The following SIK3 variants were observed in gnomAD, a reference collection of about 807,000 sequenced individuals.
SIK3 encodes serine/threonine-protein kinase SIK3.
In SIK3, 28 loss-of-function variants were observed where a neutral mutation model predicts 144.2. That is an observed-to-expected ratio of 0.19 (90% CI 0.14 to 0.27). SIK3 has a LOEUF of 0.27. Among genes scored for constraint, SIK3 ranks in the 10% least tolerant of loss-of-function variants. The pLI is 1.00. For missense variants in SIK3, 1,319 were observed against 1,776.0 expected (o/e 0.74, Z 4.62); for synonymous variants, 686 against 676.3 (o/e 1.01, Z -0.22).
At chr11:116,898,836 A>G (rs1945575719) in intron 4 of SIK3, among the ~76,000 whole-genome samples, 1 of 150,908 alleles carries the variant, frequency 6.6e-6, no homozygotes, top group African/African-American at 2.4e-5. Context: ...TTTTCTTGTA[A>G]ATTTGTTTGA....
chr11:117,032,325 T>C (rs1952296744), intron 1 of SIK3, among the ~76,000 whole-genome samples: 1 of 152,232 alleles, frequency 6.6e-6, no homozygotes, highest in African/African-American at 2.4e-5. Context: ...TTTTGGTCTT[T>C]GATTTCTTTC....
In SIK3 at chr11:117,013,907, G is replaced by GTGTGTGTGTGTGTGTGTGTGTGTGTATAT. The variant is rs1485971413; in HGVS notation, c.274-56844_274-56843insATATACACACACACACACACACACACACA. On this transcript the variant is annotated intron_variant, in intron 1 of 24. Coordinates refer to ENST00000445177, the MANE Select transcript of SIK3 (RefSeq NM_001366686.3). ...TAAGTCTCCAGATTCTGAGGGGGGG[G>GTGTGTGTGTGTGTGTGTGTGTGTGTATAT]GGGGGAGGGTGTGTGTGTGTGTGTG... Among the ~76,000 whole-genome samples the GTGTGTGTGTGTGTGTGTGTGTGTGTATAT allele has an allele frequency of 1.3e-3, 59 of 44,892 alleles. 1 individual carries two copies. The highest frequency in any genetic ancestry group is 4.0e-3 in the African/African-American group (58 of 14,492). 29.5% of individuals were successfully genotyped at this position (44,892 alleles called of 152,430 possible). A position where few individuals can be genotyped will look rare whatever the true frequency, so the allele number is the denominator to read the frequency against.
Position 116,996,428 on chromosome 11 carries a change from T to C in SIK3, c.274-39364A>G, listed in dbSNP as rs367578734. On this transcript the variant is annotated intron_variant, in intron 1 of 24. Coordinates refer to ENST00000445177, the MANE Select transcript of SIK3 (RefSeq NM_001366686.3). ...AAATAAAAAAATATTATCTTAAATA[T>C]AGCTGCACTTTTGTGGCCAGAAAAA... 1.1e-4 allele frequency among the ~76,000 whole-genome samples: 17 copies of C among 152,314 alleles called. No individual in the cohort carries two copies. The South Asian group carries it at 3.3e-3, about 30-fold the overall frequency.
intron 6 of SIK3, among the ~76,000 whole-genome samples, chr11:116,881,616 A>G (rs1449132074): frequency 1.3e-5 from 2 of 152,136 alleles, no homozygotes; most frequent in African/African-American, 2.4e-5. Context: ...TTCTTGGGAG[A>G]TAAGTCTTCT....
At chr11:116,993,647 T>C (rs542054075) in intron 1 of SIK3, among the ~76,000 whole-genome samples, 102 of 152,084 alleles carry the variant, frequency 6.7e-4, no homozygotes, top group African/African-American at 2.2e-3. Context: ...ACTTGAGTAA[T>C]GGGAGGGGTA....
Position 116,846,329 on chromosome 11 carries a change from G to C in SIK3, c.*13+54C>G. 6.4e-7 allele frequency: 1 copy of C among 1,569,410 alleles called. No individual in the cohort carries two copies. Among genetic ancestry groups the C allele is most frequent in the South Asian group, 1.2e-5 (1 of 84,922 alleles). On this transcript the variant is annotated intron_variant, in intron 24 of 24. Coordinates refer to ENST00000445177, the MANE Select transcript of SIK3 (RefSeq NM_001366686.3). The surrounding 1 kb of genome is among the most constrained non-coding windows in gnomAD (Gnocchi z 4.1). ...TGGGCTGAAGCTCCTGATGGGATTG[G>C]GAGCAGGCACTGGGCCACAGGGCTG...
At chr11:117,011,681 C>G (rs1306340281) in intron 1 of SIK3, among the ~76,000 whole-genome samples, 1 of 152,154 alleles carries the variant, frequency 6.6e-6, no homozygotes, top group African/African-American at 2.4e-5. Flanking sequence ...ACAACTACCA[C>G]AAAATAAGGT....
intron 1 of SIK3, among the ~76,000 whole-genome samples, chr11:117,063,588 T>C (rs992283537): frequency 1.4e-5 from 2 of 143,790 alleles, no homozygotes; most frequent in Non-Finnish European, 3.1e-5. Context: ...TGAAGTTTCT[T>C]TTTTTTTTTT....
At chr11:116,939,823 GA>G (rs1358556307) in intron 3 of SIK3, among the ~76,000 whole-genome samples, 2 of 152,024 alleles carry the variant, frequency 1.3e-5, no homozygotes, top group African/African-American at 4.8e-5. Context: ...AGATAGCATA[GA>G]AAAAAAGTAA....
chr11:116,960,520 CCAAAACAAAAAAACAAAA>C (rs1436551290), intron 1 of SIK3, among the ~76,000 whole-genome samples: 1 of 151,848 alleles, frequency 6.6e-6, no homozygotes, highest in Non-Finnish European at 1.5e-5. Context: ...GACACTTTCT[CCAAAACAAAAAAACAAAA>C]CAAAACAAAA....
intron 1 of SIK3, among the ~76,000 whole-genome samples, chr11:117,032,129 T>A (rs981626579): frequency 7.9e-5 from 12 of 152,314 alleles, no homozygotes; most frequent in East Asian, 5.8e-4. Context: ...CCAATTTTTT[T>A]ATTCAGTTTA....
intron 1 of SIK3, among the ~76,000 whole-genome samples, chr11:116,967,679 A>C (rs1949608571): frequency 6.6e-6 from 1 of 152,218 alleles, no homozygotes; most frequent in Non-Finnish European, 1.5e-5. Context: ...TATTTCTGAA[A>C]GTCTCACTTG....
chr11:117,056,540 GATAT>G (rs1166583379), intron 1 of SIK3, among the ~76,000 whole-genome samples: 30 of 15,990 alleles, frequency 1.9e-3, no homozygotes, highest in African/African-American at 0.012. Context: ...TATATAGATA[GATAT>G]AGATATAGAT....
chr11:116,988,983 G>A (rs192670824), intron 1 of SIK3, among the ~76,000 whole-genome samples: 13 of 151,920 alleles, frequency 8.6e-5, no homozygotes, highest in East Asian at 3.9e-4. Flanking sequence ...CTCCCTTTCT[G>A]TCCCTACATA....
At chr11:116,875,097 T>TG in intron 11 of SIK3, 61 bp downstream of exon 11, 2 of 1,360,846 alleles carry the variant, frequency 1.5e-6, no homozygotes, top group Non-Finnish European at 2.1e-6. Flanking sequence ...TGGTAGACAC[T>TG]GAAAGTCAGG....
chr11:117,093,332 C>T (rs980577364), intron 1 of SIK3, among the ~76,000 whole-genome samples: 33 of 152,192 alleles, frequency 2.2e-4, no homozygotes, highest in African/African-American at 8.0e-4. Flanking sequence ...TTGCACTAAA[C>T]CACACCGATG....
chr11:117,020,336 C>T (rs74480340), intron 1 of SIK3, among the ~76,000 whole-genome samples: 6,562 of 148,460 alleles, frequency 0.044, 491 homozygotes, highest in African/African-American at 0.16. Flanking sequence ...ATACTGTATT[C>T]GGCCTCTTGC....
chr11:117,052,974 C>A (rs1953329257), intron 1 of SIK3, among the ~76,000 whole-genome samples: 1 of 152,166 alleles, frequency 6.6e-6, no homozygotes, highest in Non-Finnish European at 1.5e-5. Context: ...GTACTACATA[C>A]TGATGACACA....
intron 1 of SIK3, among the ~76,000 whole-genome samples, chr11:116,983,508 C>A (rs144401636): frequency 6.6e-6 from 1 of 150,866 alleles, no homozygotes; most frequent in African/African-American, 2.4e-5. Context: ...CCAGCCTGGG[C>A]GACACAGCAA....
Sources: gnomAD v4.1 joint callset for allele counts (sites outside exome capture counted in the v4.1 genomes callset) on GRCh38, gnomAD v4.1.1 for gene constraint, Gnocchi (gnomAD v3.1) non-coding constraint, MANE v1.5 for transcripts, NCBI Gene and HGNC (gene_info 2026-07-23, HGNC 2026-07-21) for gene names.